CALCR: variants seen among roughly 807,000 people sequenced by gnomAD.
CALCR encodes calcitonin receptor.
A neutral mutation model predicts 59.5 loss-of-function variants in CALCR; 47 were observed. That is an observed-to-expected ratio of 0.79 (90% CI 0.63 to 1.01). The LOEUF is 1.01. Ranked by LOEUF, CALCR falls within the 50% of genes least tolerant of loss-of-function variation. The probability of loss-of-function intolerance (pLI) is 0.00; values close to 1 mark genes in which losing one functional copy is unlikely to be tolerated. For missense variants in CALCR, 566 were observed against 597.1 expected, an observed-to-expected ratio of 0.95 and a Z score of 0.54; for synonymous variants, 213 against 211.3, an observed-to-expected ratio of 1.01 and a Z score of -0.07.
chr7:93,464,597 CTT>C (rs1028907390), intron 7 of CALCR, among the ~76,000 whole-genome samples: 3 of 152,060 alleles, frequency 2.0e-5, no homozygotes, highest in Admixed American at 2.0e-4. Flanking sequence ...TGACAAGAGA[CTT>C]TATGCCTTTT....
intron 2 of CALCR, among the ~76,000 whole-genome samples, chr7:93,494,805 T>C (rs1234738879): frequency 6.6e-6 from 1 of 151,026 alleles, no homozygotes; most frequent in Non-Finnish European, 1.5e-5. Flanking sequence ...CAAGGAAGAG[T>C]AGAATCAGGC....
At chr7:93,529,384 G>A (rs574562066) in intron 2 of CALCR, among the ~76,000 whole-genome samples, 164 of 152,186 alleles carry the variant, frequency 1.1e-3, no homozygotes, top group African/African-American at 3.6e-3. Flanking sequence ...CCAGAAGCAG[G>A]AGCCACCATG....
Position 93,426,237 on chromosome 7 carries a change from G to A in CALCR, c.*119C>T. The A allele has an allele frequency of 1.2e-5, 8 of 670,220 alleles. No homozygotes were observed. In the South Asian group the frequency reaches 1.3e-4, roughly 11 times the overall value. 41.5% of individuals were successfully genotyped at this position (670,220 alleles called of 1,614,324 possible). Reference sequence around the variant, plus strand: ...CAGATTTACAATGGACAAATTCACTGAATAATTCTTCACAAATGATATGTT... The same window carrying A: ...CAGATTTACAATGGACAAATTCACTAAATAATTCTTCACAAATGATATGTT... On this transcript the variant is annotated 3_prime_UTR_variant, in exon 14 of 14. Coordinates refer to ENST00000426151, the MANE Select transcript of CALCR (RefSeq NM_001742.4).
At chr7:93,526,776 A>G (rs960005819) in intron 2 of CALCR, among the ~76,000 whole-genome samples, 3 of 152,108 alleles carry the variant, frequency 2.0e-5, no homozygotes, top group African/African-American at 7.2e-5. Context: ...AACTACAAAA[A>G]TTTTAGAAGC....
chr7:93,566,468 T>C (rs1451954184), intron 2 of CALCR, among the ~76,000 whole-genome samples: 1 of 152,202 alleles, frequency 6.6e-6, no homozygotes, highest in Non-Finnish European at 1.5e-5. Context: ...CTAATTCTGT[T>C]ACTTACAGGC....
intron 2 of CALCR, among the ~76,000 whole-genome samples, chr7:93,502,644 G>A (rs1801343177): frequency 6.6e-6 from 1 of 151,982 alleles, no homozygotes; most frequent in African/African-American, 2.4e-5. Flanking sequence ...GTCCAGATTT[G>A]ATTGTAGAAA....
chr7:93,465,628 T>G (rs906161212), intron 7 of CALCR, among the ~76,000 whole-genome samples: 3 of 151,884 alleles, frequency 2.0e-5, no homozygotes, highest in Non-Finnish European at 4.4e-5. Context: ...AAAATCTTGT[T>G]TTTTCTACAT....
Position 93,426,503 on chromosome 7 carries a change from A to G in CALCR, c.1278T>C (p.Ala426=). ...RWGRRPSNRS[A]RAAAAAAEAG... ...CCTCCGCAGCAGCGGCTGCAGCGCG[A>G]GCAGAGCGGTTGGAGGGGCGCCTCC... Residue 426 remains alanine (A), a synonymous_variant, in exon 14 of 14, where the codon GCT becomes GCC. Coordinates refer to ENST00000426151, the MANE Select transcript of CALCR (RefSeq NM_001742.4). 1 of 1,613,812 alleles carries G rather than the reference A, an allele frequency of 6.2e-7. No homozygotes were observed. Among genetic ancestry groups the G allele is most frequent in the Non-Finnish European group, 8.5e-7 (1 of 1,179,862 alleles).
chr7:93,466,367 C>T (rs528388077), intron 7 of CALCR, among the ~76,000 whole-genome samples: 194 of 151,934 alleles, frequency 1.3e-3, no homozygotes, highest in Non-Finnish European at 2.2e-3. Context: ...TCCACAATCA[C>T]TTTTAATGTT....
chr7:93,455,909 C>A (rs1448546923), intron 8 of CALCR, among the ~76,000 whole-genome samples: 3 of 152,196 alleles, frequency 2.0e-5, no homozygotes, highest in South Asian at 2.1e-4. Flanking sequence ...GGCACATAAG[C>A]AGTTTCAAGG....
chr7:93,461,600 G>A (rs2115811616), intron 7 of CALCR, among the ~76,000 whole-genome samples: 1 of 152,228 alleles, frequency 6.6e-6, no homozygotes, highest in South Asian at 2.1e-4. Flanking sequence ...CTCATTATGA[G>A]GCATACTGTG....
chr7:93,536,883 C>T (rs1789005390), intron 2 of CALCR, among the ~76,000 whole-genome samples: 1 of 151,708 alleles, frequency 6.6e-6, no homozygotes, highest in Non-Finnish European at 1.5e-5. Flanking sequence ...ATTTTGAGAA[C>T]TCAGCTGTAG....
At chr7:93,443,009 T>C (rs2237578) in intron 9 of CALCR, among the ~76,000 whole-genome samples, 33,311 of 151,942 alleles carry the variant, frequency 0.22, 4,040 homozygotes, top group East Asian at 0.39. Context: ...CCTTAGTTTG[T>C]ACGGAAGCAG....
intron 2 of CALCR, among the ~76,000 whole-genome samples, chr7:93,537,427 G>A (rs1016993906): frequency 2.0e-5 from 3 of 151,656 alleles, no homozygotes; most frequent in Admixed American, 6.6e-5. Context: ...GAACTGAACT[G>A]ATGTCTCCCG....
rs1189567680 is a variant in CALCR at position 93,479,422 on chromosome 7, T to C, written c.137A>G (p.Lys46Arg). 2.5e-6 allele frequency: 4 copies of C among 1,612,594 alleles called. No individual in the cohort carries two copies. The African/African-American group carries it at 5.3e-5, about 22-fold the overall frequency. Residue 46 changes from lysine to arginine, a missense_variant, in exon 4 of 14, where the codon AAG becomes AGG. Lys to Arg is a conservative substitution (Grantham distance 26). Transcript: ENST00000426151. ...PKPFLYVVGR[K>R]KMMDAQYKCY... ...TTTGTACTGTGCATCCATCATCTTC[T>C]TTCGTCCTACGACGTAAAGAAATGG...
At chr7:93,441,568 A>C (rs973052661) in intron 9 of CALCR, 10 of 447,332 alleles carry the variant, frequency 2.2e-5, no homozygotes, top group African/African-American at 2.0e-4. Flanking sequence ...GAAAAAAAAA[A>C]ATAGTAAAAG....
chr7:93,503,914 A>C (rs999852757), intron 2 of CALCR, among the ~76,000 whole-genome samples: 2 of 152,192 alleles, frequency 1.3e-5, no homozygotes, highest in Non-Finnish European at 2.9e-5. Flanking sequence ...GGCTTCATTC[A>C]TGATATCAAC....
At chr7:93,495,801 TG>T in intron 2 of CALCR, 1 of 1,012,414 alleles carries the variant, frequency 9.9e-7, no homozygotes. Flanking sequence ...CTGATTGTTG[TG>T]GCTGATTTAG....
intron 8 of CALCR, among the ~76,000 whole-genome samples, chr7:93,446,922 T>C (rs955871795): frequency 2.6e-5 from 4 of 151,982 alleles, no homozygotes; most frequent in Non-Finnish European, 5.9e-5. Context: ...AAGCCAAAAA[T>C]AGATAAAATT....
Sources: gnomAD v4.1 joint callset for allele counts (sites outside exome capture counted in the v4.1 genomes callset) on GRCh38, gnomAD v4.1.1 for gene constraint, MANE v1.5 for transcripts, NCBI Gene and HGNC (gene_info 2026-07-23, HGNC 2026-07-21) for gene names.